Variants in EPRS1 observed in about 807,000 individuals in gnomAD.
EPRS1 encodes the protein bifunctional glutamate/proline--tRNA ligase.
Under a neutral mutation model 188.3 loss-of-function variants are expected in EPRS1, and 107 were observed. The observed-to-expected ratio is 0.57, with a 90% CI of 0.49 to 0.67. EPRS1 has a LOEUF of 0.67. Ranked by LOEUF, EPRS1 falls within the 30% of genes least tolerant of loss-of-function variation. The pLI, the probability that EPRS1 is intolerant of heterozygous loss-of-function variation, is 0.00. For synonymous variants in EPRS1, 596 were observed against 593.1 expected (o/e 1.00, Z -0.07); for missense variants, 1,577 against 1,802.2 (o/e 0.88, Z 2.26).
intron 20 of EPRS1, among the ~76,000 whole-genome samples, chr1:219,984,731 A>G (rs781733185): frequency 5.3e-5 from 8 of 151,910 alleles, no homozygotes; most frequent in Non-Finnish European, 1.0e-4. Flanking sequence ...CCCCTAAGAT[A>G]ATGTTTTTAA....
At chr1:219,999,385 G>T (rs1571672149) in intron 17 of EPRS1, among the ~76,000 whole-genome samples, 1 of 151,936 alleles carries the variant, frequency 6.6e-6, no homozygotes, top group African/African-American at 2.4e-5. Context: ...CCAAGAAGGG[G>T]GATCTCTGTG....
intron 30 of EPRS1, among the ~76,000 whole-genome samples, chr1:219,971,008 G>A (rs912919086): frequency 2.6e-5 from 4 of 151,990 alleles, no homozygotes; most frequent in East Asian, 1.9e-4. Context: ...ATATTAATAC[G>A]TTATGACCAT....
chr1:219,988,552 TA>T (rs775198455), intron 19 of EPRS1, 37 bp downstream of exon 19: 2 of 1,433,454 alleles, frequency 1.4e-6, no homozygotes, highest in South Asian at 2.3e-5. Flanking sequence ...CCCTGAAACA[TA>T]AAAAACAAAA....
intron 5 of EPRS1, 51 bp from the exon 6 acceptor site, chr1:220,030,531 A>G (rs1253001120): frequency 2.3e-6 from 3 of 1,322,216 alleles, no homozygotes; most frequent in Non-Finnish European, 3.3e-6. Flanking sequence ...TTAAATGTCT[A>G]AGAACACACT....
chr1:220,045,445 A>T (rs946746340), intron 1 of EPRS1, among the ~76,000 whole-genome samples: 1 of 152,106 alleles, frequency 6.6e-6, no homozygotes, highest in Non-Finnish European at 1.5e-5. Context: ...TCGATGCTGC[A>T]GTGAGCCTTG....
intron 12 of EPRS1, among the ~76,000 whole-genome samples, chr1:220,014,992 T>C (rs115217234): frequency 1.6e-3 from 243 of 152,288 alleles, no homozygotes; most frequent in African/African-American, 5.8e-3. Context: ...ACTGGAACTA[T>C]AGTAGCATAA....
Position 220,006,256 on chromosome 1 carries a change from G to A in EPRS1, c.1800C>T (p.Asp600=). The A allele has an allele frequency of 6.3e-7, 1 of 1,593,916 alleles. No homozygotes were observed. The highest frequency in any genetic ancestry group is 1.1e-5 in the South Asian group (1 of 88,260). Residue 600 remains aspartate, a synonymous_variant, in exon 15 of 32, where the codon GAC becomes GAT. Transcript: ENST00000366923. ...AAGTGACCTTAGTGGTTTTCTTGTA[G>A]TCTTTGTTTTCCAAATTCAACTTTG... The part of the protein sequence containing the change: ...LDAKLNLENK[D]YKKTTKVTWL...
chr1:220,026,855 G>A (rs1661981968), intron 6 of EPRS1, among the ~76,000 whole-genome samples: 1 of 151,578 alleles, frequency 6.6e-6, no homozygotes, highest in Non-Finnish European at 1.5e-5. Context: ...ATATCCATAT[G>A]GGAGGGGGAA....
chr1:220,030,483 G>A lies in EPRS1; in HGVS notation c.529-3C>T. 8.1e-6 allele frequency: 13 copies of A among 1,610,824 alleles called. No individual in the cohort carries two copies. Among genetic ancestry groups the A allele is most frequent in the Non-Finnish European group, 1.1e-5 (13 of 1,177,164 alleles). On this transcript the variant is annotated splice_polypyrimidine_tract_variant and splice_region_variant and intron_variant, in intron 5 of 31. Transcript: ENST00000366923. ...ACATCTTGCTTTTTCTCAGGTGCCT[G>A]AAAAACACAACCACCATCACAACAA...
At chr1:220,028,079 T>A (rs1210821113) in intron 6 of EPRS1, among the ~76,000 whole-genome samples, 1 of 152,082 alleles carries the variant, frequency 6.6e-6, no homozygotes, top group Admixed American at 6.5e-5. Context: ...TTTTTGCAAC[T>A]TTGTGTAAAT....
chr1:220,012,612 T>G (rs1661625214), intron 12 of EPRS1, among the ~76,000 whole-genome samples: 1 of 152,238 alleles, frequency 6.6e-6, no homozygotes, highest in African/African-American at 2.4e-5. Flanking sequence ...TAAAAGGTAT[T>G]TTTAGCTCTA....
intron 12 of EPRS1, among the ~76,000 whole-genome samples, chr1:220,012,627 T>C (rs999188314): frequency 6.6e-6 from 1 of 152,244 alleles, no homozygotes; most frequent in South Asian, 2.1e-4. Flanking sequence ...GCTCTAAAAA[T>C]ATGCAATTCT....
At chr1:220,041,984 A>G (rs929555445) in intron 1 of EPRS1, among the ~76,000 whole-genome samples, 1 of 152,120 alleles carries the variant, frequency 6.6e-6, no homozygotes, top group African/African-American at 2.4e-5. Context: ...AAAGATAGAG[A>G]ACATATATGT....
intron 17 of EPRS1, among the ~76,000 whole-genome samples, chr1:219,999,933 A>C (rs1245148208): frequency 1.3e-5 from 2 of 152,122 alleles, no homozygotes; most frequent in Non-Finnish European, 2.9e-5. Context: ...CCAAGATCAT[A>C]CCACTGCACT....
chr1:219,999,009 C>G (rs1195406250), intron 17 of EPRS1, among the ~76,000 whole-genome samples: 3 of 150,012 alleles, frequency 2.0e-5, no homozygotes, highest in Non-Finnish European at 4.4e-5. Context: ...CATGCAGGAA[C>G]AAGCTTTTCA....
chr1:219,984,762 G>T (rs1660972134), intron 20 of EPRS1, among the ~76,000 whole-genome samples: 1 of 151,158 alleles, frequency 6.6e-6, no homozygotes, highest in South Asian at 2.2e-4. Flanking sequence ...CAGTAGAAAT[G>T]CTGGGCACAG....
chr1:220,035,750 A>G (rs1430205377), intron 2 of EPRS1, among the ~76,000 whole-genome samples: 1 of 151,792 alleles, frequency 6.6e-6, no homozygotes, highest in East Asian at 2.0e-4. Context: ...AATCGCTTGA[A>G]CTCACAGTGA....
At chr1:220,018,054 A>G (rs1269690767) in intron 12 of EPRS1, 7 of 860,944 alleles carry the variant, frequency 8.1e-6, no homozygotes, top group Admixed American at 2.7e-5. Context: ...TCAAAGCCAT[A>G]TAACATCTCA....
chr1:220,014,126 G>A (rs764156117), intron 12 of EPRS1, among the ~76,000 whole-genome samples: 8 of 152,110 alleles, frequency 5.3e-5, no homozygotes, highest in Non-Finnish European at 7.4e-5. Flanking sequence ...TCAGGAGTTC[G>A]GGACCAGCCT....
Sources: allele counts gnomAD v4.1 joint callset (sites outside exome capture counted in the v4.1 genomes callset), GRCh38; gene constraint gnomAD v4.1.1; transcripts MANE v1.5; gene names NCBI Gene and HGNC (gene_info 2026-07-23, HGNC 2026-07-21).